Variants in CWC27 observed in about 807,000 individuals in gnomAD.
CWC27 encodes the protein spliceosome-associated protein CWC27 homolog.
In CWC27, 47 loss-of-function variants were observed where a neutral mutation model predicts 63.6. The ratio of observed to expected loss-of-function variants is 0.74; its 90% CI spans 0.58 to 0.94. The LOEUF is 0.94. Ranked by LOEUF, CWC27 falls within the 40% of genes least tolerant of loss-of-function variation. The pLI is 0.00. For missense variants in CWC27, 495 were observed against 554.3 expected, an observed-to-expected ratio of 0.89 and a Z score of 1.07; for synonymous variants, 175 against 179.8, an observed-to-expected ratio of 0.97 and a Z score of 0.22.
chr5:65,010,716 A>G (rs1482073976), intron 13 of CWC27, among the ~76,000 whole-genome samples: 2 of 152,222 alleles, frequency 1.3e-5, no homozygotes, highest in African/African-American at 2.4e-5. Flanking sequence ...ACAGATGTCA[A>G]TCTTCAAGCA....
chr5:64,823,571 G>A (rs1031568380), intron 10 of CWC27, among the ~76,000 whole-genome samples: 1 of 152,188 alleles, frequency 6.6e-6, no homozygotes, highest in Admixed American at 6.5e-5. Flanking sequence ...TACAGAGAAT[G>A]ACTTGGCATC....
At chr5:64,788,320 A>G (rs527846034) in intron 6 of CWC27, among the ~76,000 whole-genome samples, 11 of 140,148 alleles carry the variant, frequency 7.8e-5, no homozygotes, top group East Asian at 5.9e-4. Flanking sequence ...AGGCTTTGGG[A>G]AAAAAAAAAA....
chr5:64,939,902 C>G (rs1748436822), intron 11 of CWC27, among the ~76,000 whole-genome samples: 1 of 152,192 alleles, frequency 6.6e-6, no homozygotes, highest in African/African-American at 2.4e-5. Context: ...TTCTGGTCGG[C>G]TTTGTTTACA....
chr5:65,015,661 A>G (rs1284314530), intron 13 of CWC27, among the ~76,000 whole-genome samples: 1 of 152,198 alleles, frequency 6.6e-6, no homozygotes, highest in Non-Finnish European at 1.5e-5. Context: ...TGGGGGATGC[A>G]GCAAAGATTG....
intron 10 of CWC27, among the ~76,000 whole-genome samples, chr5:64,848,129 A>T (rs186438461): frequency 9.7e-4 from 147 of 152,256 alleles, no homozygotes; most frequent in Non-Finnish European, 9.1e-4. Flanking sequence ...AACTTAAGAG[A>T]AAAGGAGAGA....
At chr5:64,813,073 T>G (rs1248421335) in intron 10 of CWC27, among the ~76,000 whole-genome samples, 1 of 152,164 alleles carries the variant, frequency 6.6e-6, no homozygotes, top group Non-Finnish European at 1.5e-5. Flanking sequence ...GGAATAACAC[T>G]TTAACATTAT....
chr5:64,785,897 G>T (rs571213594), intron 5 of CWC27, among the ~76,000 whole-genome samples: 1 of 152,138 alleles, frequency 6.6e-6, no homozygotes, highest in Admixed American at 6.5e-5. Flanking sequence ...GGGCACGGTG[G>T]CTCACACCTG....
intron 13 of CWC27, among the ~76,000 whole-genome samples, chr5:65,003,021 C>A (rs994060050): frequency 6.6e-6 from 1 of 152,096 alleles, no homozygotes; most frequent in African/African-American, 2.4e-5. Flanking sequence ...TGATTTGATC[C>A]CATTATCTTT....
intron 7 of CWC27, among the ~76,000 whole-genome samples, chr5:64,794,419 G>T (rs1237882057): frequency 1.3e-5 from 2 of 152,060 alleles, no homozygotes; most frequent in Non-Finnish European, 2.9e-5. Flanking sequence ...CAGCTGAATA[G>T]GTATGACATA....
intron 12 of CWC27, among the ~76,000 whole-genome samples, chr5:64,973,527 A>T (rs1168028749): frequency 6.6e-6 from 1 of 152,198 alleles, no homozygotes; most frequent in Non-Finnish European, 1.5e-5. Context: ...AAAAGCCATA[A>T]CTGAATAATT....
At chr5:64,901,770 T>G (rs1236685126) in intron 11 of CWC27, among the ~76,000 whole-genome samples, 1 of 152,220 alleles carries the variant, frequency 6.6e-6, no homozygotes, top group African/African-American at 2.4e-5. Context: ...CACAAATACA[T>G]TATACAACTG....
At chr5:64,876,291 G>T (rs1179467291) in intron 10 of CWC27, among the ~76,000 whole-genome samples, 2 of 152,014 alleles carry the variant, frequency 1.3e-5, no homozygotes, top group African/African-American at 2.4e-5. Context: ...GCTATTTTAT[G>T]ATTTTATCAA....
chr5:64,837,604 T>C (rs1745690396), intron 10 of CWC27, among the ~76,000 whole-genome samples: 2 of 151,958 alleles, frequency 1.3e-5, no homozygotes, highest in Admixed American at 6.6e-5. Context: ...AAAATGACTT[T>C]GTCTTAGCAA....
intron 11 of CWC27, among the ~76,000 whole-genome samples, chr5:64,953,694 AT>A (rs1298287064): frequency 2.0e-5 from 3 of 152,122 alleles, no homozygotes; most frequent in East Asian, 1.9e-4. Flanking sequence ...TTAAGTGTTT[AT>A]TTTTTTTCTT....
intron 10 of CWC27, among the ~76,000 whole-genome samples, chr5:64,816,218 C>T (rs374533977): frequency 6.6e-6 from 1 of 152,068 alleles, no homozygotes; most frequent in Admixed American, 6.6e-5. Context: ...ATCTTATTGG[C>T]GTGGCCCAGG....
At chr5:64,824,971 A>T (rs991522968) in intron 10 of CWC27, among the ~76,000 whole-genome samples, 1 of 151,662 alleles carries the variant, frequency 6.6e-6, no homozygotes, top group Non-Finnish European at 1.5e-5. Flanking sequence ...TGACCTCATG[A>T]TCCACCCGCC....
At chr5:64,885,323 G>T in intron 10 of CWC27, 120 bp from the exon 11 acceptor site, 3 of 620,852 alleles carry the variant, frequency 4.8e-6, no homozygotes, top group Non-Finnish European at 8.2e-6. Flanking sequence ...GAAACAAAAT[G>T]AATGAATTAC....
intron 10 of CWC27, among the ~76,000 whole-genome samples, chr5:64,842,336 C>G (rs554759701): frequency 6.6e-6 from 1 of 152,248 alleles, no homozygotes; most frequent in Non-Finnish European, 1.5e-5. Flanking sequence ...CAGAGTCTCA[C>G]TCTGTCACCC....
At chr5:64,838,015 T>C (rs1425014490) in intron 10 of CWC27, among the ~76,000 whole-genome samples, 3 of 152,156 alleles carry the variant, frequency 2.0e-5, no homozygotes, top group Non-Finnish European at 2.9e-5. Flanking sequence ...TTCAGCTCCT[T>C]AGTGACTTTT....
Sources: gnomAD v4.1 joint callset for allele counts (sites outside exome capture counted in the v4.1 genomes callset) on GRCh38, gnomAD v4.1.1 for gene constraint, MANE v1.5 for transcripts, NCBI Gene and HGNC (gene_info 2026-07-23, HGNC 2026-07-21) for gene names.